The following PIK3CG variants were observed in gnomAD, a reference collection of about 807,000 sequenced individuals.
PIK3CG encodes the protein phosphatidylinositol 4,5-bisphosphate 3-kinase catalytic subunit gamma isoform.
PIK3CG carries 55 observed loss-of-function variants against 102.3 expected under a neutral mutation model. That is an observed-to-expected ratio of 0.54 (90% CI 0.43 to 0.67). The LOEUF is 0.67. Among genes scored for constraint, PIK3CG ranks in the 30% least tolerant of loss-of-function variants. The pLI, the probability that PIK3CG is intolerant of heterozygous loss-of-function variation, is 0.00. For synonymous variants in PIK3CG, 552 were observed against 540.0 expected, an observed-to-expected ratio of 1.02 and a Z score of -0.31; for missense variants, 1,258 against 1,391.8, an observed-to-expected ratio of 0.90 and a Z score of 1.53.
rs2116531219 is a variant in PIK3CG at position 106,880,842 on chromosome 7, C to A, written c.2538+1177C>A. Among the ~76,000 whole-genome samples the A allele has an allele frequency of 6.6e-6, 1 of 152,098 alleles. No individual in the cohort carries two copies. Among genetic ancestry groups the A allele is most frequent in the African/African-American group, 2.4e-5 (1 of 41,504 alleles). Reference sequence around the variant, plus strand: ...TATAGGTGTGCACCACCATACCTGGCAAATTATATTTTTTGTAGAGATGGG... The same window carrying A: ...TATAGGTGTGCACCACCATACCTGGAAAATTATATTTTTTGTAGAGATGGG... On this transcript the variant is annotated intron_variant, in intron 6 of 10. Coordinates refer to ENST00000496166, the MANE Select transcript of PIK3CG (RefSeq NM_001282426.2). This position sits in a 1 kb window ranked among gnomAD's most constrained non-coding sequence, Gnocchi z 4.2.
intron 2 of PIK3CG, among the ~76,000 whole-genome samples, chr7:106,870,243 A>T (rs1675704171): frequency 6.6e-6 from 1 of 152,212 alleles, no homozygotes; most frequent in African/African-American, 2.4e-5. Context: ...CTCTGCAGAT[A>T]GGTACAGGAC....
At position 106,867,196 on chromosome 7, in the gene PIK3CG, A is replaced by G. The variant is rs1790315662; in HGVS notation, c.-12-354A>G. Among the ~76,000 whole-genome samples the G allele has an allele frequency of 1.3e-5, 2 of 152,178 alleles. No individual in the cohort carries two copies. The highest frequency in any genetic ancestry group is 2.9e-5 in the Non-Finnish European group (2 of 68,030). On this transcript the variant is annotated intron_variant, in intron 1 of 10. Transcript: ENST00000496166. The surrounding 1 kb of genome is among the most constrained non-coding windows in gnomAD (Gnocchi z 5.1). ...TCTTTAAAATTTTCAAAGTATACAA[A>G]AGTAGAACGACCAATAAGCCCCCAT...
chr7:106,866,579 G>A (rs1790291612), intron 1 of PIK3CG, among the ~76,000 whole-genome samples: 2 of 152,250 alleles, frequency 1.3e-5, no homozygotes, highest in East Asian at 1.9e-4. Flanking sequence ...CTTCCATCCT[G>A]TAGCTCCTCC....
intron 10 of PIK3CG, among the ~76,000 whole-genome samples, chr7:106,901,841 G>A (rs1791563889): frequency 6.6e-6 from 1 of 152,146 alleles, no homozygotes; most frequent in Non-Finnish European, 1.5e-5. Context: ...GGTATTTTTG[G>A]TGTTGAAGCT....
chr7:106,889,345 G>A (rs1207719053), intron 10 of PIK3CG, among the ~76,000 whole-genome samples: 1 of 148,586 alleles, frequency 6.7e-6, no homozygotes, highest in African/African-American at 2.5e-5. Context: ...TGACCTTGTG[G>A]TAATTTTTTT....
At position 106,882,416 on chromosome 7, in the gene PIK3CG, T is replaced by C. The variant is rs529622035; in HGVS notation, c.2629+209T>C. On this transcript the variant is annotated intron_variant, in intron 7 of 10. Coordinates refer to ENST00000496166, the MANE Select transcript of PIK3CG (RefSeq NM_001282426.2). ...TGCATGATTCAAATCCCTGTGACTA[T>C]ACATGGAAATGATTTTAGTAAGAAC... The C allele has an allele frequency of 4.3e-4, 148 of 343,880 alleles. 1 individual carries two copies. The highest frequency in any genetic ancestry group is 1.6e-3 in the Admixed American group (35 of 21,296). The allele number at this position is 343,880 out of a possible 1,614,324, so 21.3% of individuals were successfully genotyped here.
rs186881412 is a variant in PIK3CG at position 106,880,489 on chromosome 7, C to T, written c.2538+824C>T. Among the ~76,000 whole-genome samples, 4 of 151,926 alleles carry T rather than the reference C, an allele frequency of 2.6e-5. No individual in the cohort carries two copies. The highest frequency in any genetic ancestry group is 4.4e-5 in the Non-Finnish European group (3 of 67,974). ...TTTCAAGAATGATCTATGTTTTGTCCAGGAGGTATTTTAGAAAAGAAAAAG... is the reference window on the plus strand; with the variant it reads ...TTTCAAGAATGATCTATGTTTTGTCTAGGAGGTATTTTAGAAAAGAAAAAG... On this transcript the variant is annotated intron_variant, in intron 6 of 10. Coordinates refer to ENST00000496166, the MANE Select transcript of PIK3CG (RefSeq NM_001282426.2). This position sits in a 1 kb window ranked among gnomAD's most constrained non-coding sequence, Gnocchi z 4.2.
chr7:106,875,731 T>C (rs928034930), intron 5 of PIK3CG, among the ~76,000 whole-genome samples: 10 of 152,212 alleles, frequency 6.6e-5, no homozygotes, highest in African/African-American at 1.2e-4. Flanking sequence ...TTGTTTTCCA[T>C]TCATTTTTTG....
At position 106,906,703 on chromosome 7, in the gene PIK3CG, ATACAT is replaced by A. The variant is rs1791690347; in HGVS notation, c.*1322_*1326del. ...AATATTTTGTAATTACCTGTAGCTA[ATACAT>A]TACATAGAAAAAAACTATGTTAACA... is the stretch of plus-strand genomic sequence containing the variant. On this transcript the variant is annotated 3_prime_UTR_variant, in exon 11 of 11. Transcript: ENST00000496166. 4.4e-6 allele frequency: 1 copy of A among 227,522 alleles called. No homozygotes were observed. Among genetic ancestry groups the A allele is most frequent in the South Asian group, 1.8e-4 (1 of 5,488 alleles). The allele number at this position is 227,522 out of a possible 1,614,324, so 14.1% of individuals were successfully genotyped here.
chr7:106,901,902 ACT>A (rs1174684705), intron 10 of PIK3CG, among the ~76,000 whole-genome samples: 1 of 151,598 alleles, frequency 6.6e-6, no homozygotes, highest in African/African-American at 2.4e-5. Flanking sequence ...CGGTTGGTAG[ACT>A]CTTGCTTGGT....
In PIK3CG at chr7:106,908,812, C is replaced by T. The variant is rs1375339001; in HGVS notation, c.*3425C>T. Among the ~76,000 whole-genome samples the T allele has an allele frequency of 6.6e-6, 1 of 152,136 alleles. No homozygotes were observed. Among genetic ancestry groups the T allele is most frequent in the Non-Finnish European group, 1.5e-5 (1 of 68,030 alleles). ...AGTTTCCAGAGCAAATCTGACCTAG[C>T]ATTTGGTATGCTAGGCTCTGCTTTT... On this transcript the variant is annotated 3_prime_UTR_variant, in exon 11 of 11. Transcript: ENST00000496166. The surrounding 1 kb of genome is among the most constrained non-coding windows in gnomAD (Gnocchi z 4.1).
rs576223833 is a variant in PIK3CG at position 106,898,537 on chromosome 7, A to G, written c.3031-6572A>G. 2.0e-5 allele frequency among the ~76,000 whole-genome samples: 3 copies of G among 152,180 alleles called. No individual in the cohort carries two copies. The East Asian group carries it at 5.8e-4, about 29-fold the overall frequency. ...GTTTTACATGTAAGTCTTTAATCCA[A>G]CTTGAGTTGATGTTTGTATATGGTA... On this transcript the variant is annotated intron_variant, in intron 10 of 10. Transcript: ENST00000496166.
rs775620766 is a variant in PIK3CG, at chr7:106,905,103, A to G, written c.3031-6A>G. 3 of 1,611,498 alleles carry G rather than the reference A, an allele frequency of 1.9e-6. No homozygotes were observed. The South Asian group carries it at 3.3e-5, about 18-fold the overall frequency. ...CAGTAACAGCATTTTCTTCTTCTTT[A>G]TCCAGGACATCTGTGTTAAGGCTTA... On this transcript the variant is annotated splice_region_variant and splice_polypyrimidine_tract_variant and intron_variant, in intron 10 of 10. Coordinates refer to ENST00000496166, the MANE Select transcript of PIK3CG (RefSeq NM_001282426.2). This position sits in a 1 kb window ranked among gnomAD's most constrained non-coding sequence, Gnocchi z 5.6.
chr7:106,868,284 CG>C lies in PIK3CG; in HGVS notation c.725del (p.Gly242AlafsTer17). 6.2e-7 allele frequency: 1 copy of C among 1,614,074 alleles called. No homozygotes were observed. Among genetic ancestry groups the C allele is most frequent in the Non-Finnish European group, 8.5e-7 (1 of 1,180,042 alleles). On this transcript the variant is annotated frameshift_variant, in exon 2 of 11. Transcript: ENST00000496166. LOFTEE classifies it high-confidence loss of function. This position sits in a 1 kb window ranked among gnomAD's most constrained non-coding sequence, Gnocchi z 6.2. ...TIKVSPDDTP[G>X]AILQSFFTKM... ...TTAAGGTCTCACCCGACGACACCCC[CG>C]GCGCCATCCTGCAGAGCTTCTTCAC...
Position 106,886,311 on chromosome 7 carries a change from C to T in PIK3CG, c.3030+19C>T, listed in dbSNP as rs761690410. On this transcript the variant is annotated intron_variant, in intron 10 of 10. Transcript: ENST00000496166. ...ATTTCAGGTAAGTCACCTCCTTCAT[C>T]GCCTGCTGAGAATAGCACCGAAGCA... The T allele has an allele frequency of 6.2e-6, 10 of 1,613,530 alleles. No individual in the cohort carries two copies. Among genetic ancestry groups the T allele is most frequent in the African/African-American group, 1.3e-5 (1 of 75,014 alleles).
In PIK3CG at chr7:106,905,055, C is replaced by T. The variant is rs1485221157; in HGVS notation, c.3031-54C>T. On this transcript the variant is annotated intron_variant, in intron 10 of 10. Transcript: ENST00000496166. This position sits in a 1 kb window ranked among gnomAD's most constrained non-coding sequence, Gnocchi z 5.6. ...TCAGTACATCCCTGTAATCTTCAGC[C>T]TACTTGTTAGTTACCATAACAACAG... is the stretch of plus-strand genomic sequence containing the variant. The T allele has an allele frequency of 2.7e-6, 4 of 1,489,766 alleles. No homozygotes were observed. The highest frequency in any genetic ancestry group is 3.7e-6 in the Non-Finnish European group (4 of 1,082,224). 92.3% of individuals were successfully genotyped at this position (1,489,766 alleles called of 1,614,324 possible).
chr7:106,868,956 C>T lies in PIK3CG; in HGVS notation c.1395C>T (p.Asn465=). ...KGKVQLLYYV[N]LLLIDHRFLL... ...AAGTTCAGCTTCTCTATTATGTGAA[C>T]CTGCTGCTGATAGACCACCGTTTCC... The change falls in exon 2 of 11, where the codon AAC becomes AAT. Residue 465 remains asparagine (N), a synonymous_variant. Transcript: ENST00000496166. This position sits in a 1 kb window ranked among gnomAD's most constrained non-coding sequence, Gnocchi z 6.2. The T allele has an allele frequency of 6.2e-7, 1 of 1,614,094 alleles. No homozygotes were observed. The highest frequency in any genetic ancestry group is 8.5e-7 in the Non-Finnish European group (1 of 1,180,004).
chr7:106,900,273 T>C (rs1791510099), intron 10 of PIK3CG, among the ~76,000 whole-genome samples: 1 of 152,194 alleles, frequency 6.6e-6, no homozygotes, highest in Non-Finnish European at 1.5e-5. Flanking sequence ...TAAGGATAGT[T>C]AAGTCTTCTT....
At chr7:106,881,458 G>A (rs1790931940) in intron 6 of PIK3CG, among the ~76,000 whole-genome samples, 2 of 152,174 alleles carry the variant, frequency 1.3e-5, no homozygotes, top group Non-Finnish European at 2.9e-5. Context: ...TGATAAATAT[G>A]TGTAAGGATG....
Sources: allele counts gnomAD v4.1 joint callset (sites outside exome capture counted in the v4.1 genomes callset), GRCh38; gene constraint gnomAD v4.1.1; non-coding constraint Gnocchi (gnomAD v3.1); transcripts MANE v1.5; gene names NCBI Gene and HGNC (gene_info 2026-07-23, HGNC 2026-07-21).